The following MGAT4C variants were observed in gnomAD, a reference collection of about 807,000 sequenced individuals.
MGAT4C encodes alpha-1,3-mannosyl-glycoprotein 4-beta-N-acetylglucosaminyltransferase C.
Under a neutral mutation model 40.1 loss-of-function variants are expected in MGAT4C, and 19 were observed. That is an observed-to-expected ratio of 0.47 (90% CI 0.33 to 0.70). The LOEUF (loss-of-function observed/expected upper bound fraction) is 0.70. MGAT4C is among the 30% of genes least tolerant of loss of function. The pLI is 0.02. For synonymous variants in MGAT4C, 181 were observed against 187.1 expected, an observed-to-expected ratio of 0.97 and a Z score of 0.27; for missense variants, 491 against 563.2, an observed-to-expected ratio of 0.87 and a Z score of 1.30.
intron 2 of MGAT4C, among the ~76,000 whole-genome samples, chr12:86,506,609 A>G (rs1958476524): frequency 6.6e-6 from 1 of 152,212 alleles, no homozygotes; most frequent in Non-Finnish European, 1.5e-5. Flanking sequence ...CCTGTTTTTA[A>G]TTTGTGGTTT....
intron 1 of MGAT4C, among the ~76,000 whole-genome samples, chr12:86,254,901 CA>C (rs534525672): frequency 2.0e-4 from 30 of 152,112 alleles, no homozygotes; most frequent in Admixed American, 1.8e-3. Flanking sequence ...ACAATTCGAA[CA>C]ACAGTAATGT....
intron 3 of MGAT4C, among the ~76,000 whole-genome samples, chr12:86,348,695 C>G (rs766811487): frequency 1.3e-5 from 2 of 152,006 alleles, no homozygotes; most frequent in Admixed American, 6.6e-5. Context: ...TTCAATAGTA[C>G]GTGGTTTTTT....
intron 2 of MGAT4C, among the ~76,000 whole-genome samples, chr12:86,551,525 C>A (rs558763786): frequency 6.6e-6 from 1 of 152,266 alleles, no homozygotes; most frequent in Admixed American, 6.5e-5. Flanking sequence ...GTTGAAACAC[C>A]CCCACATTGG....
intron 1 of MGAT4C, among the ~76,000 whole-genome samples, chr12:86,219,008 G>A (rs996623857): frequency 8.6e-5 from 13 of 151,694 alleles, no homozygotes; most frequent in African/African-American, 2.7e-4. Flanking sequence ...GTAAAACCCC[G>A]TCTCTACTAA....
intron 1 of MGAT4C, among the ~76,000 whole-genome samples, chr12:86,206,861 G>T (rs1319956754): frequency 6.6e-6 from 1 of 152,148 alleles, no homozygotes; most frequent in Non-Finnish European, 1.5e-5. Flanking sequence ...AGCACAAACT[G>T]AAGAATAAAC....
At chr12:86,602,856 T>A (rs909291235) in intron 2 of MGAT4C, among the ~76,000 whole-genome samples, 3 of 150,340 alleles carry the variant, frequency 2.0e-5, no homozygotes, top group African/African-American at 7.4e-5. Context: ...GCAGATGAAA[T>A]CAGTATCTCA....
At chr12:85,991,707 A>C (rs1885961727) in intron 2 of MGAT4C, among the ~76,000 whole-genome samples, 1 of 152,164 alleles carries the variant, frequency 6.6e-6, no homozygotes, top group African/African-American at 2.4e-5. Flanking sequence ...GGGGGAACTC[A>C]GTGTCTGGGC....
intron 1 of MGAT4C, among the ~76,000 whole-genome samples, chr12:86,154,549 C>G (rs1048334658): frequency 2.6e-5 from 4 of 152,098 alleles, no homozygotes; most frequent in African/African-American, 9.7e-5. Flanking sequence ...CTTGTAACTT[C>G]TTTTGTGTGT....
intron 1 of MGAT4C, among the ~76,000 whole-genome samples, chr12:86,157,174 C>T (rs1885048352): frequency 6.6e-6 from 1 of 151,882 alleles, no homozygotes; most frequent in African/African-American, 2.4e-5. Flanking sequence ...TTAATATATA[C>T]ATTTATAATT....
At chr12:86,477,202 T>C (rs1333684849) in intron 2 of MGAT4C, among the ~76,000 whole-genome samples, 7 of 151,240 alleles carry the variant, frequency 4.6e-5, no homozygotes, top group African/African-American at 1.7e-4. Flanking sequence ...AAAAAGAAAA[T>C]GTGGTCTATA....
At chr12:86,759,230 T>C (rs540984250) in intron 1 of MGAT4C, among the ~76,000 whole-genome samples, 1 of 152,262 alleles carries the variant, frequency 6.6e-6, no homozygotes, top group South Asian at 2.1e-4. Flanking sequence ...ATTATTTTTA[T>C]GGCTGAATAG....
intron 1 of MGAT4C, among the ~76,000 whole-genome samples, chr12:86,150,564 T>C (rs61932273): frequency 0.078 from 11,953 of 152,282 alleles, 654 homozygotes; most frequent in Middle Eastern, 0.22. Flanking sequence ...TGCAGTCAGA[T>C]TCCAAGTTCT....
chr12:86,640,777 T>C (rs1033485807), intron 2 of MGAT4C, among the ~76,000 whole-genome samples: 2 of 151,982 alleles, frequency 1.3e-5, no homozygotes, highest in Non-Finnish European at 1.5e-5. Flanking sequence ...GCTTTGAATG[T>C]GTCCCAGAGA....
At chr12:86,379,257 AC>A (rs1405817936) in intron 3 of MGAT4C, among the ~76,000 whole-genome samples, 1 of 152,102 alleles carries the variant, frequency 6.6e-6, no homozygotes, top group East Asian at 1.9e-4. Flanking sequence ...TATCACCATT[AC>A]TTGACTAAAA....
rs1884782241 is a variant in MGAT4C, at chr12:86,155,188, T to C, written c.-57+101051A>G. Among the ~76,000 whole-genome samples, 8 of 152,192 alleles carry C rather than the reference T, an allele frequency of 5.3e-5. No individual in the cohort carries two copies. In the South Asian group the frequency reaches 1.7e-3, roughly 32 times the overall value. The stretch of plus-strand genomic sequence containing the variant: ...ACCAAAAATATCAATGTGGCTGTAG[T>C]ACAGTGAATATGTAGCAGAAATCAT... On this transcript the variant is annotated intron_variant, in intron 1 of 4. Transcript: ENST00000611864.
At chr12:86,317,767 A>T (rs1566283883) in intron 4 of MGAT4C, among the ~76,000 whole-genome samples, 1 of 151,936 alleles carries the variant, frequency 6.6e-6, no homozygotes, top group Admixed American at 6.6e-5. Flanking sequence ...GAAGTGAATT[A>T]ATAAGATATT....
chr12:86,452,477 T>C (rs905300644), intron 2 of MGAT4C, among the ~76,000 whole-genome samples: 1 of 151,848 alleles, frequency 6.6e-6, no homozygotes, highest in Non-Finnish European at 1.5e-5. Flanking sequence ...GGTTCTCTGC[T>C]TGGTTTGTAG....
At chr12:86,543,643 T>C (rs2098650104) in intron 2 of MGAT4C, among the ~76,000 whole-genome samples, 1 of 152,182 alleles carries the variant, frequency 6.6e-6, no homozygotes, top group Non-Finnish European at 1.5e-5. Flanking sequence ...TTTCAGATAA[T>C]GTCAGCATTT....
chr12:86,213,069 C>T (rs1950545156), intron 1 of MGAT4C, among the ~76,000 whole-genome samples: 1 of 152,074 alleles, frequency 6.6e-6, no homozygotes, highest in East Asian at 1.9e-4. Flanking sequence ...CAGGAAGTGA[C>T]GTTTCCTTTA....
Sources: allele counts gnomAD v4.1 joint callset (sites outside exome capture counted in the v4.1 genomes callset), GRCh38; gene constraint gnomAD v4.1.1; transcripts MANE v1.5; gene names NCBI Gene and HGNC (gene_info 2026-07-23, HGNC 2026-07-21).